FRMD7: variants seen among roughly 807,000 people sequenced by gnomAD.
FRMD7 encodes the protein FERM domain-containing protein 7.
A neutral mutation model predicts 44.1 loss-of-function variants in FRMD7; 14 were observed. The observed-to-expected ratio is 0.32, with a 90% CI of 0.21 to 0.50. The LOEUF (loss-of-function observed/expected upper bound fraction) is 0.50, where lower values mean the gene tolerates loss of function less well. FRMD7 is among the 20% of genes least tolerant of loss of function. The pLI is 0.99. For missense variants in FRMD7, 501 were observed against 522.3 expected, an observed-to-expected ratio of 0.96 and a Z score of 0.40; for synonymous variants, 212 against 187.4, an observed-to-expected ratio of 1.13 and a Z score of -1.07.
chrX:132,089,225 C>T (rs1490856418), intron 5 of FRMD7, among the ~76,000 whole-genome samples: 1 of 111,610 alleles, frequency 9.0e-6, no homozygotes, highest in African/African-American at 3.3e-5. Flanking sequence ...GACAAATGTG[C>T]CAAGACAATT....
In FRMD7 at chrX:132,080,147, C is replaced by T. The variant is rs767487972; in HGVS notation, c.974+51G>A. 16 of 1,130,248 alleles carry T rather than the reference C, an allele frequency of 1.4e-5. No individual in the cohort carries two copies. The Admixed American group carries it at 3.5e-4, about 25-fold the overall frequency. The allele number at this position is 1,130,248 out of a possible 1,213,427, so 93.1% of individuals were successfully genotyped here. A position where few individuals can be genotyped will look rare whatever the true frequency, so the allele number is the denominator to read the frequency against. On this transcript the variant is annotated intron_variant, in intron 10 of 11. Transcript: ENST00000298542. The stretch of plus-strand genomic sequence containing the variant: ...TGTGAATACCAGGATACATAGAAAT[C>T]TCCAAATTCAACATAAAATCAACAC...
chrX:132,083,271 T>C (rs1927879374), intron 8 of FRMD7, among the ~76,000 whole-genome samples: 1 of 112,158 alleles, frequency 8.9e-6, no homozygotes, highest in Non-Finnish European at 1.9e-5. Flanking sequence ...GTCTTTTTAG[T>C]GTAACAGTTA....
chrX:132,080,443 C>CA (rs1484874956), intron 9 of FRMD7, among the ~76,000 whole-genome samples, 177 bp from the exon 10 acceptor site: 1 of 112,345 alleles, frequency 8.9e-6, no homozygotes, highest in Non-Finnish European at 1.9e-5. Flanking sequence ...AGAACAACCT[C>CA]AACTACTCAG....
chrX:132,106,592 T>C (rs1194246529), intron 1 of FRMD7, among the ~76,000 whole-genome samples: 1 of 111,896 alleles, frequency 8.9e-6, no homozygotes, highest in East Asian at 2.8e-4. Flanking sequence ...TGCAGGATTA[T>C]TCACAATAGC....
At chrX:132,101,221 C>G (rs1928490170) in intron 1 of FRMD7, among the ~76,000 whole-genome samples, 1 of 110,822 alleles carries the variant, frequency 9.0e-6, no homozygotes, top group African/African-American at 3.3e-5. Flanking sequence ...CCCACCTCCT[C>G]CTGATACTTT....
intron 1 of FRMD7, among the ~76,000 whole-genome samples, chrX:132,105,085 G>A (rs951365042): frequency 8.9e-6 from 1 of 111,788 alleles, no homozygotes; most frequent in African/African-American, 3.3e-5. Flanking sequence ...GAAAGATTCT[G>A]TACTCACTGC....
intron 1 of FRMD7, among the ~76,000 whole-genome samples, chrX:132,104,418 C>T (rs1180079460): frequency 6.3e-5 from 7 of 111,347 alleles, no homozygotes; most frequent in Admixed American, 2.9e-4. Context: ...GCGGGCTGGG[C>T]GCTGTGGCTT....
In FRMD7 at chrX:132,084,556, C is replaced by T; in HGVS notation, c.675G>A (p.Trp225Ter). ...TAAAACTCAACTTGCGGATTTTAGC[C>T]CAGTTAAAAGTATTGATCTTTGTAT... ...RGNTKINTFN[W>*]AKIRKLSFKR... Residue 225 changes from tryptophan to a stop codon, truncating the protein, a stop_gained, in exon 8 of 12, where the codon TGG (tryptophan) becomes TGA (stop). Coordinates refer to ENST00000298542, the MANE Select transcript of FRMD7 (RefSeq NM_194277.3). LOFTEE classifies it high-confidence loss of function. The T allele has an allele frequency of 8.5e-7, 1 of 1,172,146 alleles. No individual in the cohort carries two copies. The highest frequency in any genetic ancestry group is 1.2e-6 in the Non-Finnish European group (1 of 859,528).
chrX:132,101,674 A>G (rs1482776942), intron 1 of FRMD7, among the ~76,000 whole-genome samples: 2 of 112,379 alleles, frequency 1.8e-5, no homozygotes, highest in Non-Finnish European at 3.8e-5. Flanking sequence ...TTCATTTTGT[A>G]GCTTTGCCCA....
intron 1 of FRMD7, among the ~76,000 whole-genome samples, chrX:132,102,581 C>T (rs1020954082): frequency 9.0e-6 from 1 of 111,002 alleles, no homozygotes; most frequent in African/African-American, 3.3e-5. Context: ...CATGAAATTG[C>T]TCCTATTTTT....
chrX:132,103,089 G>A (rs899300351), intron 1 of FRMD7, among the ~76,000 whole-genome samples: 5 of 111,637 alleles, frequency 4.5e-5, no homozygotes, highest in African/African-American at 1.3e-4. Context: ...CCCCATCTCC[G>A]CGAGAGGCAT....
At chrX:132,088,693 AC>A (rs1280162746) in intron 5 of FRMD7, among the ~76,000 whole-genome samples, 6 of 112,259 alleles carry the variant, frequency 5.3e-5, no homozygotes, top group African/African-American at 1.9e-4. Flanking sequence ...ATTTATATAT[AC>A]TAGCAATGAA....
chrX:132,120,840 G>A lies in FRMD7; in HGVS notation c.57+6948C>T, dbSNP rs145144068. On this transcript the variant is annotated intron_variant, in intron 1 of 11. Coordinates refer to ENST00000298542, the MANE Select transcript of FRMD7 (RefSeq NM_194277.3). ...TTATTCTCCAAAGCAACAAACCTCA[G>A]GATATGAACGACAGAGGAAGTTCAG... Among the ~76,000 whole-genome samples, 571 of 112,439 alleles carry A rather than the reference G, an allele frequency of 5.1e-3. 1 individual carries two copies. The highest frequency in any genetic ancestry group is 0.018 in the African/African-American group (549 of 31,015).
At chrX:132,097,171 T>C in intron 4 of FRMD7, 95 bp downstream of exon 4, 1 of 691,594 alleles carries the variant, frequency 1.4e-6, no homozygotes. Flanking sequence ...TAAAGCCAAG[T>C]TTTGTGAGAA....
At position 132,081,281 on chromosome X, in the gene FRMD7, G is replaced by A. The variant is rs772822015; in HGVS notation, c.906-1015C>T. On this transcript the variant is annotated intron_variant, in intron 9 of 11. Transcript: ENST00000298542. The stretch of plus-strand genomic sequence containing the variant: ...TGGGAGGCGGAGATTGCAGTGAGCC[G>A]AGATCGCGCCACTGCACTCCAGCCT... Among the ~76,000 whole-genome samples, 6 of 111,560 alleles carry A rather than the reference G, an allele frequency of 5.4e-5. No homozygotes were observed. In the East Asian group the frequency reaches 1.7e-3, roughly 31 times the overall value.
intron 1 of FRMD7, among the ~76,000 whole-genome samples, chrX:132,104,808 G>A (rs1419003182): frequency 1.8e-5 from 2 of 112,363 alleles, no homozygotes; most frequent in Admixed American, 9.4e-5. Context: ...CTTTGACAGT[G>A]ACCAATTGAG....
rs755308108 is a variant in FRMD7, at chrX:132,127,815, A to T, written c.30T>A (p.Asp10Glu). The change falls in exon 1 of 12, where the codon GAT becomes GAA. Residue 10 changes from aspartate (D) to glutamate (E), a missense_variant. Physicochemically the swap from Asp to Glu is conservative, Grantham distance 45. This residue lies in a region of FRMD7 where 24 missense variants were observed against 21.6 expected (regional missense o/e 1.11). Transcript: ENST00000298542. ...CAACCACAAAAATCTTCTGGGAATC[A>T]TCCAAAAACTGCACTTTTAAATGTA... MLHLKVQFL[D>E]DSQKIFVVDQ... 1.7e-6 allele frequency: 2 copies of T among 1,209,249 alleles called. No homozygotes were observed. The highest frequency in any genetic ancestry group is 2.2e-6 in the Non-Finnish European group (2 of 893,170).
At position 132,078,484 on chromosome X, in the gene FRMD7, A is replaced by G. The variant is rs5977623; in HGVS notation, c.1533T>C (p.Ile511=). The G allele has an allele frequency of 0.29, 353,996 of 1,207,818 alleles. 37,254 individuals carry two copies. Among genetic ancestry groups the G allele is most frequent in the African/African-American group, 0.43 (24,516 of 56,577 alleles). Residue 511 remains isoleucine (I), a synonymous_variant, in exon 12 of 12, where the codon ATT becomes ATC. Coordinates refer to ENST00000298542, the MANE Select transcript of FRMD7 (RefSeq NM_194277.3). Reference sequence around the variant, plus strand: ...GTGGACTTGTCCTTTCCTCTGCTCTAATTGGGGACCATCTGGGCACCTGGG... The same window carrying G: ...GTGGACTTGTCCTTTCCTCTGCTCTGATTGGGGACCATCTGGGCACCTGGG... ...KPPQVPRWSP[I]RAEERTSPHS...
At chrX:132,097,670 C>T (rs1048850612) in intron 3 of FRMD7, among the ~76,000 whole-genome samples, 1 of 111,557 alleles carries the variant, frequency 9.0e-6, no homozygotes, top group Non-Finnish European at 1.9e-5. Context: ...CAGAAAAATA[C>T]AGCACTTGCT....
Sources: gnomAD v4.1 joint callset for allele counts (sites outside exome capture counted in the v4.1 genomes callset) on GRCh38, gnomAD v4.1.1 for gene constraint, gnomAD v4.1.1 regional missense constraint, MANE v1.5 for transcripts, NCBI Gene and HGNC (gene_info 2026-07-23, HGNC 2026-07-21) for gene names.